MYZAP: variants seen among roughly 807,000 people sequenced by gnomAD.
The protein encoded by MYZAP is myocardial zonula adherens protein, also known as GRINL1A complex locus upstream.
Under a neutral mutation model 69.4 loss-of-function variants are expected in MYZAP, and 66 were observed. That is an observed-to-expected ratio of 0.95 (90% CI 0.78 to 1.17). The LOEUF is 1.17. MYZAP is among the 50% of genes most tolerant of loss of function. The pLI, the probability that MYZAP is intolerant of heterozygous loss-of-function variation, is 0.00. For synonymous variants in MYZAP, 256 were observed against 205.9 expected (o/e 1.24, Z -2.09); for missense variants, 611 against 556.2 (o/e 1.10, Z -0.99).
intron 1 of MYZAP, among the ~76,000 whole-genome samples, chr15:57,601,772 C>T (rs1221814269): frequency 2.6e-5 from 4 of 152,022 alleles, no homozygotes; most frequent in African/African-American, 4.8e-5. Flanking sequence ...GGGGTTGTTT[C>T]GTCCAGAAGA....
chr15:57,650,935 G>A (rs1224122764), intron 10 of MYZAP, among the ~76,000 whole-genome samples: 16 of 152,340 alleles, frequency 1.1e-4, no homozygotes, highest in Non-Finnish European at 2.2e-4. Flanking sequence ...AGAAATATAG[G>A]TTGACACCAA....
In MYZAP at chr15:57,675,001, A is replaced by G. The variant is rs1211348884; in HGVS notation, c.1237A>G (p.Thr413Ala). ...ACTACAAAGCAGGTTGGACTATTTA[A>G]CAGAAACCCAGGCCAAGACCGAAGT... ...NELQSRLDYLTETQAKTEVET... is the reference protein window; with the variant it reads ...NELQSRLDYLAETQAKTEVET... The change falls in exon 12 of 13, where the codon ACA becomes GCA. Residue 413 changes from threonine to alanine, a missense_variant. Thr to Ala is a moderately conservative substitution (Grantham distance 58, BLOSUM62 0). Coordinates refer to ENST00000267853, the MANE Select transcript of MYZAP (RefSeq NM_001018100.5). 1 of 1,613,772 alleles carries G rather than the reference A, an allele frequency of 6.2e-7. No individual in the cohort carries two copies. The highest frequency in any genetic ancestry group is 1.7e-5 in the Admixed American group (1 of 60,018).
chr15:57,644,044 C>A (rs1170719429), intron 10 of MYZAP, among the ~76,000 whole-genome samples: 1 of 152,222 alleles, frequency 6.6e-6, no homozygotes, highest in Non-Finnish European at 1.5e-5. Context: ...ACCTGGGGAG[C>A]TTTAAGACAT....
In MYZAP at chr15:57,669,032, A is replaced by G. The variant is rs149619492; in HGVS notation, c.1204-5936A>G. ...CAGCCTCCTGAGTAGCTGGCACTGC[A>G]GGTGCATGCCACCACGCTCGGCTAA... On this transcript the variant is annotated intron_variant, in intron 11 of 12. Transcript: ENST00000267853. 9.2e-5 allele frequency among the ~76,000 whole-genome samples: 14 copies of G among 151,934 alleles called. No individual in the cohort carries two copies. In the East Asian group the frequency reaches 2.7e-3, roughly 29 times the overall value.
chr15:57,595,901 C>T (rs1487371957), intron 1 of MYZAP, among the ~76,000 whole-genome samples: 7 of 152,180 alleles, frequency 4.6e-5, no homozygotes, highest in Non-Finnish European at 1.0e-4. Context: ...GCTAATGTGT[C>T]CCTCTCCCAT....
chr15:57,620,258 A>G (rs2035727249), intron 3 of MYZAP, among the ~76,000 whole-genome samples: 1 of 152,198 alleles, frequency 6.6e-6, no homozygotes, highest in Admixed American at 6.5e-5. Flanking sequence ...ATCTCCACCA[A>G]TATCCAGTAA....
rs150587249 is a variant in MYZAP at position 57,618,555 on chromosome 15, A to G, written c.318+367A>G. ...AGGAAGACTGTGGGTGATTCAGATC[A>G]ATCAGTTGGGTTGAAACAAATGCTA... On this transcript the variant is annotated intron_variant, in intron 3 of 12. Transcript: ENST00000267853. 3.3e-5 allele frequency among the ~76,000 whole-genome samples: 5 copies of G among 152,340 alleles called. No homozygotes were observed. The South Asian group carries it at 8.3e-4, about 25-fold the overall frequency.
intron 9 of MYZAP, among the ~76,000 whole-genome samples, chr15:57,638,443 T>C (rs1224804655): frequency 6.6e-6 from 1 of 152,186 alleles, no homozygotes; most frequent in East Asian, 1.9e-4. Flanking sequence ...AAGAGAACTA[T>C]TGGGCTTGCT....
In MYZAP at chr15:57,604,477, G is replaced by A. The variant is rs1018221612; in HGVS notation, c.162+122G>A. The A allele has an allele frequency of 5.0e-5, 52 of 1,039,546 alleles. No individual in the cohort carries two copies. The East Asian group carries it at 1.2e-3, about 24-fold the overall frequency. The allele number at this position is 1,039,546 out of a possible 1,614,324, so 64.4% of individuals were successfully genotyped here. A position where few individuals can be genotyped will look rare whatever the true frequency, so the allele number is the denominator to read the frequency against. On this transcript the variant is annotated intron_variant, in intron 2 of 12. Coordinates refer to ENST00000267853, the MANE Select transcript of MYZAP (RefSeq NM_001018100.5). ...TGTCTGCACCTCTGTTGAGGAGAAG[G>A]CCCTCTCAACCTTCCCACCTCATCT...
chr15:57,610,446 G>A (rs1243948501), intron 2 of MYZAP, among the ~76,000 whole-genome samples: 5 of 152,186 alleles, frequency 3.3e-5, no homozygotes, highest in African/African-American at 9.7e-5. Flanking sequence ...TCAGGTGGGG[G>A]CCGGGCTGCC....
chr15:57,653,170 G>A (rs955343458), intron 10 of MYZAP, among the ~76,000 whole-genome samples: 6 of 152,144 alleles, frequency 3.9e-5, no homozygotes, highest in Non-Finnish European at 8.8e-5. Context: ...ATGTGTGCAA[G>A]TACACACAGC....
chr15:57,599,533 G>C, intron 1 of MYZAP: 1 of 1,253,254 alleles, frequency 8.0e-7, no homozygotes, highest in Non-Finnish European at 1.0e-6. Flanking sequence ...AGGGTAGGAT[G>C]CAGTTCTTCG....
At chr15:57,647,310 A>G (rs1402609017) in intron 10 of MYZAP, 1 of 985,202 alleles carries the variant, frequency 1.0e-6, no homozygotes, top group African/African-American at 1.7e-5. Flanking sequence ...CCCAGATACG[A>G]TGCTGGGTAT....
At chr15:57,667,282 C>T (rs2038624128) in intron 11 of MYZAP, among the ~76,000 whole-genome samples, 1 of 152,220 alleles carries the variant, frequency 6.6e-6, no homozygotes, top group African/African-American at 2.4e-5. Context: ...CCCCGAGCTG[C>T]CCACACCCCT....
chr15:57,592,889 G>A (rs2140300990), intron 1 of MYZAP, among the ~76,000 whole-genome samples: 1 of 152,254 alleles, frequency 6.6e-6, no homozygotes, highest in East Asian at 1.9e-4. Context: ...TTATCATGAT[G>A]TTCAATACTT....
chr15:57,672,338 A>C (rs2038905458), intron 11 of MYZAP, among the ~76,000 whole-genome samples: 1 of 152,236 alleles, frequency 6.6e-6, no homozygotes, highest in Non-Finnish European at 1.5e-5. Flanking sequence ...AGCAAAAAGA[A>C]AAATAATAAA....
At chr15:57,609,548 G>C (rs1051100849) in intron 2 of MYZAP, among the ~76,000 whole-genome samples, 1 of 152,100 alleles carries the variant, frequency 6.6e-6, no homozygotes, top group Non-Finnish European at 1.5e-5. Flanking sequence ...CTCTTAACTT[G>C]ACCTGCTCTC....
At chr15:57,652,680 GAC>G (rs2037788736) in intron 10 of MYZAP, among the ~76,000 whole-genome samples, 1 of 152,166 alleles carries the variant, frequency 6.6e-6, no homozygotes, top group Non-Finnish European at 1.5e-5. Context: ...CTGGGTTAAA[GAC>G]ACAGCACTGT....
intron 2 of MYZAP, among the ~76,000 whole-genome samples, chr15:57,610,401 C>T (rs1287356139): frequency 6.6e-6 from 1 of 152,152 alleles, no homozygotes; most frequent in Admixed American, 6.5e-5. Flanking sequence ...CGGGCTGTTG[C>T]CAAGTGAGCG....
Sources: gnomAD v4.1 joint callset for allele counts (sites outside exome capture counted in the v4.1 genomes callset) on GRCh38, gnomAD v4.1.1 for gene constraint, MANE v1.5 for transcripts, NCBI Gene and HGNC (gene_info 2026-07-23, HGNC 2026-07-21) for gene names.